LRCH3: variants seen among roughly 807,000 people sequenced by gnomAD.
LRCH3 encodes the protein leucine rich repeats and calponin homology domain containing 3, also known as DISP complex protein LRCH3.
LRCH3 carries 68 observed loss-of-function variants against 104.5 expected under a neutral mutation model. That is an observed-to-expected ratio of 0.65 (90% CI 0.54 to 0.80). LRCH3 has a LOEUF of 0.80. LRCH3 is among the 30% of genes least tolerant of loss of function. LRCH3 has a pLI of 0.00. For missense variants in LRCH3, 951 were observed against 953.9 expected (o/e 1.00, Z 0.04); for synonymous variants, 344 against 361.3 (o/e 0.95, Z 0.54).
intron 8 of LRCH3, 76 bp downstream of exon 8, chr3:197,832,393 C>T: frequency 6.7e-7 from 1 of 1,493,064 alleles, no homozygotes; most frequent in Non-Finnish European, 9.2e-7. Context: ...CATACCCACT[C>T]CTTTTGTTGG....
At chr3:197,876,791 C>T (rs1712940288) in intron 20 of LRCH3, among the ~76,000 whole-genome samples, 1 of 152,120 alleles carries the variant, frequency 6.6e-6, no homozygotes, top group Admixed American at 6.5e-5. Flanking sequence ...GGTTCCTGTT[C>T]CTGTAGCTTC....
intron 15 of LRCH3, 57 bp from the exon 16 acceptor site, chr3:197,865,366 A>G (rs1034420771): frequency 1.2e-5 from 14 of 1,199,930 alleles, no homozygotes; most frequent in Non-Finnish European, 1.6e-5. Context: ...TTACCATAAA[A>G]GTAGAAAGTA....
At chr3:197,793,476 G>C (rs1730858777) in intron 1 of LRCH3, among the ~76,000 whole-genome samples, 1 of 152,140 alleles carries the variant, frequency 6.6e-6, no homozygotes, top group South Asian at 2.1e-4. Context: ...TTTCATATTG[G>C]TGTGAGTCAT....
intron 14 of LRCH3, among the ~76,000 whole-genome samples, chr3:197,855,729 C>A (rs1740159004): frequency 6.6e-6 from 1 of 152,160 alleles, no homozygotes; most frequent in South Asian, 2.1e-4. Context: ...ACAGCAAAAT[C>A]CCCTTAGTGC....
At chr3:197,817,360 G>GTGTGTCTATATATATATATATATA in intron 3 of LRCH3, 58 bp downstream of exon 3, 1 of 77,938 alleles carries the variant, frequency 1.3e-5, no homozygotes. Flanking sequence ...GTGTGTGTGT[G>GTGTGTCTATATATATATATATATA]TATATATATA....
At chr3:197,824,653 GC>G (rs1252219387) in intron 4 of LRCH3, among the ~76,000 whole-genome samples, 1 of 147,430 alleles carries the variant, frequency 6.8e-6, no homozygotes, top group Non-Finnish European at 1.5e-5. Context: ...GGTAACCTCT[GC>G]CCCCCCGTCC....
At chr3:197,852,465 T>C in intron 12 of LRCH3, 96 bp from the exon 13 acceptor site, 2 of 1,185,564 alleles carry the variant, frequency 1.7e-6, no homozygotes, top group Admixed American at 4.3e-5. Flanking sequence ...GTAAAAAAAT[T>C]AATTTGAGTG....
chr3:197,792,169 G>C (rs1310539409), intron 1 of LRCH3, among the ~76,000 whole-genome samples: 1 of 151,568 alleles, frequency 6.6e-6, no homozygotes, highest in Non-Finnish European at 1.5e-5. Context: ...GTCTTTCTTC[G>C]CCTCCATCTA....
Position 197,839,416 on chromosome 3 carries a change from A to T in LRCH3, c.1328+19A>T, listed in dbSNP as rs199903112. 1 of 1,464,450 alleles carries T rather than the reference A, an allele frequency of 6.8e-7. No individual in the cohort carries two copies. The allele number at this position is 1,464,450 out of a possible 1,614,324, so 90.7% of individuals were successfully genotyped here. A position where few individuals can be genotyped will look rare whatever the true frequency, so the allele number is the denominator to read the frequency against. On this transcript the variant is annotated intron_variant, in intron 10 of 20. Transcript: ENST00000425562. Reference sequence around the variant, plus strand: ...AAAACAGGTTTGAAAAACCAATTCTACTTAATTTGTTTCTGTCTTAATCAT... The same window carrying T: ...AAAACAGGTTTGAAAAACCAATTCTTCTTAATTTGTTTCTGTCTTAATCAT...
At chr3:197,860,611 CTTTTTAA>C (rs145482276) in intron 15 of LRCH3, among the ~76,000 whole-genome samples, 19,178 of 149,842 alleles carry the variant, frequency 0.13, 1,341 homozygotes, top group African/African-American at 0.19. Context: ...TTTTTTTTTA[CTTTTTAA>C]TTTTTGTGGG....
intron 19 of LRCH3, among the ~76,000 whole-genome samples, chr3:197,872,969 G>T (rs898888321): frequency 2.0e-5 from 3 of 152,220 alleles, no homozygotes; most frequent in Non-Finnish European, 4.4e-5. Context: ...TGGGCAGTGA[G>T]AGGGAAGATG....
At chr3:197,838,820 G>A (rs558447850) in intron 9 of LRCH3, among the ~76,000 whole-genome samples, 124 of 152,140 alleles carry the variant, frequency 8.2e-4, no homozygotes, top group Admixed American at 1.6e-3. Flanking sequence ...GATATTCACC[G>A]ACACACTCAA....
At chr3:197,838,457 G>A (rs1367908304) in intron 9 of LRCH3, among the ~76,000 whole-genome samples, 2 of 146,828 alleles carry the variant, frequency 1.4e-5, no homozygotes, top group African/African-American at 2.7e-5. Flanking sequence ...GCTATTTCTT[G>A]GAAGTAGATG....
intron 17 of LRCH3, 110 bp downstream of exon 17, chr3:197,866,329 C>A: frequency 1.4e-6 from 1 of 715,338 alleles, no homozygotes; most frequent in Non-Finnish European, 2.5e-6. Context: ...ACAAAGCTAT[C>A]AGCTCGGCAA....
chr3:197,864,565 G>A (rs1487132515), intron 15 of LRCH3, among the ~76,000 whole-genome samples: 2 of 143,536 alleles, frequency 1.4e-5, no homozygotes, highest in Non-Finnish European at 3.0e-5. Flanking sequence ...AGCTGAGATC[G>A]TGCCATTGCA....
At chr3:197,838,755 T>TC (rs1422927159) in intron 9 of LRCH3, among the ~76,000 whole-genome samples, 19 of 152,370 alleles carry the variant, frequency 1.2e-4, no homozygotes, top group African/African-American at 3.1e-4. Flanking sequence ...CAATAATATT[T>TC]TCCTTTTAAA....
chr3:197,801,094 CA>C lies in LRCH3; in HGVS notation c.262+9565del, dbSNP rs750542854. Among the ~76,000 whole-genome samples, 337 of 34,308 alleles carry C rather than the reference CA, an allele frequency of 9.8e-3. 3 individuals carry two copies. The highest frequency in any genetic ancestry group is 0.02 in the Non-Finnish European group (248 of 12,662). The allele number at this position is 34,308 out of a possible 152,430, so 22.5% of individuals were successfully genotyped here. Reference sequence around the variant, plus strand: ...TGGGCAACAGAGTGAGACTCCATCTCAAAAAAAAAAACAAGAAAATGGATGA... The same window carrying C: ...TGGGCAACAGAGTGAGACTCCATCTCAAAAAAAAAACAAGAAAATGGATGA... On this transcript the variant is annotated intron_variant, in intron 1 of 20. Transcript: ENST00000425562.
In LRCH3 at chr3:197,871,031, TAGTG is replaced by T. The variant is rs557562379; in HGVS notation, c.1993-288_1993-285del. Among the ~76,000 whole-genome samples, 19 of 152,272 alleles carry T rather than the reference TAGTG, an allele frequency of 1.2e-4. No homozygotes were observed. In the South Asian group the frequency reaches 3.7e-3, roughly 30 times the overall value. On this transcript the variant is annotated intron_variant, in intron 18 of 20. Coordinates refer to ENST00000425562, the MANE Select transcript of LRCH3 (RefSeq NM_001365715.1). ...TATAAATATCACACTTACACATATATAGTGAGTGATTGCCTCTTTATTTTATGTT... is the reference window on the plus strand; with the variant it reads ...TATAAATATCACACTTACACATATATAGTGATTGCCTCTTTATTTTATGTT...
At chr3:197,879,490 C>CAA (rs1351562088) in intron 20 of LRCH3, among the ~76,000 whole-genome samples, 1 of 150,756 alleles carries the variant, frequency 6.6e-6, no homozygotes, top group Non-Finnish European at 1.5e-5. Flanking sequence ...ACTAAAAATA[C>CAA]AAAAAATTAG....
Sources: gnomAD v4.1 joint callset for allele counts (sites outside exome capture counted in the v4.1 genomes callset) on GRCh38, gnomAD v4.1.1 for gene constraint, MANE v1.5 for transcripts, NCBI Gene and HGNC (gene_info 2026-07-23, HGNC 2026-07-21) for gene names.